The following TNR variants were observed in gnomAD, a reference collection of about 807,000 sequenced individuals.
TNR encodes the protein tenascin R.
Under a neutral mutation model 150.4 loss-of-function variants are expected in TNR, and 45 were observed. The ratio of observed to expected loss-of-function variants is 0.30; its 90% confidence interval spans 0.24 to 0.38. The LOEUF (loss-of-function observed/expected upper bound fraction) is 0.38. TNR is among the 10% of genes least tolerant of loss of function. The pLI, the probability that TNR is intolerant of heterozygous loss-of-function variation, is 1.00. For synonymous variants in TNR, 687 were observed against 678.4 expected, an observed-to-expected ratio of 1.01 and a Z score of -0.20; for missense variants, 1,544 against 1,759.1, an observed-to-expected ratio of 0.88 and a Z score of 2.19.
intron 2 of TNR, among the ~76,000 whole-genome samples, chr1:175,410,177 G>T (rs1654144316): frequency 6.6e-6 from 1 of 152,188 alleles, no homozygotes; most frequent in East Asian, 1.9e-4. Context: ...GGCCGGCCTG[G>T]TGAATTTGAG....
rs138939523 is a variant in TNR, at chr1:175,622,099, A to T, written c.-164-93730T>A. On this transcript the variant is annotated intron_variant, in intron 1 of 22. Coordinates refer to ENST00000367674, the MANE Select transcript of TNR (RefSeq NM_003285.3). ...GCTTTGTACATAATATATGTTGGGT[A>T]AATGTTAGGTATTATTGTTATACAT... 3.0e-4 allele frequency among the ~76,000 whole-genome samples: 46 copies of T among 152,378 alleles called. 1 individual carries two copies. In the East Asian group the frequency reaches 8.7e-3, roughly 29 times the overall value.
Position 175,603,768 on chromosome 1 carries a change from T to C in TNR, c.-164-75399A>G, listed in dbSNP as rs376540844. Among the ~76,000 whole-genome samples, 231 of 152,306 alleles carry C rather than the reference T, an allele frequency of 1.5e-3. 1 individual carries two copies. The highest frequency in any genetic ancestry group is 5.4e-3 in the African/African-American group (223 of 41,576). On this transcript the variant is annotated intron_variant, in intron 1 of 22. Transcript: ENST00000367674. ...GCTCCTTTACCCCTTCTGGGAGGCC[T>C]GGAGGGGGCAGGTCAGCCCTTCCTC...
intron 1 of TNR, among the ~76,000 whole-genome samples, chr1:175,686,664 C>G (rs976485034): frequency 6.6e-6 from 1 of 152,110 alleles, no homozygotes; most frequent in Non-Finnish European, 1.5e-5. Context: ...TTTGGAGTCC[C>G]CAGTGTTTAC....
At chr1:175,573,181 C>T (rs999380372) in intron 1 of TNR, among the ~76,000 whole-genome samples, 1 of 152,176 alleles carries the variant, frequency 6.6e-6, no homozygotes, top group Non-Finnish European at 1.5e-5. Flanking sequence ...TGTGTACACC[C>T]TCCAGCCACA....
At chr1:175,422,609 C>T (rs1450745084) in intron 2 of TNR, among the ~76,000 whole-genome samples, 4 of 152,208 alleles carry the variant, frequency 2.6e-5, no homozygotes, top group African/African-American at 9.7e-5. Flanking sequence ...AAATTTCCTG[C>T]CTACCCACTT....
chr1:175,618,479 T>C (rs1474136658), intron 1 of TNR, among the ~76,000 whole-genome samples: 1 of 152,218 alleles, frequency 6.6e-6, no homozygotes, highest in African/African-American at 2.4e-5. Context: ...TGAATGCATA[T>C]TGGCAGCCAC....
chr1:175,406,893 G>T (rs112015044), intron 2 of TNR, 116 bp from the exon 3 acceptor site: 2 of 711,258 alleles, frequency 2.8e-6, no homozygotes, highest in African/African-American at 1.8e-5. Flanking sequence ...AGGGGGGGGC[G>T]TCAGGAAGGG....
chr1:175,694,533 G>A (rs1666456020), intron 1 of TNR, among the ~76,000 whole-genome samples: 1 of 152,150 alleles, frequency 6.6e-6, no homozygotes, highest in African/African-American at 2.4e-5. Context: ...CCACCCCTAT[G>A]CTTAAATTAC....
intron 18 of TNR, among the ~76,000 whole-genome samples, chr1:175,344,319 G>A (rs1347387324): frequency 6.6e-6 from 1 of 152,174 alleles, no homozygotes; most frequent in Non-Finnish European, 1.5e-5. Flanking sequence ...TTTGTTACTA[G>A]GCATGGGGAG....
Position 175,406,644 on chromosome 1 carries a change from G to T in TNR, c.71C>A (p.Ser24Tyr), listed in dbSNP as rs760256249. ...LIGINLILLGSMIKPSECQLE... is the reference protein window; with the variant it reads ...LIGINLILLGYMIKPSECQLE... ...CTGACACTCTGAAGGCTTGATCATG[G>T]AGCCCAGAAGGATCAGGTTGATGCC... is the stretch of plus-strand genomic sequence containing the variant. Residue 24 changes from serine (S) to tyrosine (Y), a missense_variant, in exon 3 of 23, where the codon TCC becomes TAC. Physicochemically the swap from Ser to Tyr is moderately radical, Grantham distance 144. Coordinates refer to ENST00000367674, the MANE Select transcript of TNR (RefSeq NM_003285.3). 1.2e-5 allele frequency: 19 copies of T among 1,614,076 alleles called. No homozygotes were observed. Among genetic ancestry groups the T allele is most frequent in the Non-Finnish European group, 1.5e-5 (18 of 1,180,050 alleles).
At chr1:175,573,243 C>T (rs1661959225) in intron 1 of TNR, among the ~76,000 whole-genome samples, 1 of 152,250 alleles carries the variant, frequency 6.6e-6, no homozygotes, top group Admixed American at 6.5e-5. Context: ...ATTTATGTCA[C>T]CTGCAACCTG....
At chr1:175,625,978 T>G (rs999564255) in intron 1 of TNR, among the ~76,000 whole-genome samples, 1 of 151,510 alleles carries the variant, frequency 6.6e-6, no homozygotes, top group East Asian at 1.9e-4. Flanking sequence ...GGGGGGGAGG[T>G]AATTGAATCA....
intron 2 of TNR, among the ~76,000 whole-genome samples, chr1:175,490,252 C>T (rs190957927): frequency 1.3e-5 from 2 of 152,254 alleles, no homozygotes; most frequent in African/African-American, 4.8e-5. Flanking sequence ...AAATGTAAAA[C>T]CCAAAACTAT....
In TNR at chr1:175,431,950, G is replaced by A. The variant is rs938818936; in HGVS notation, c.-63-25173C>T. On this transcript the variant is annotated intron_variant, in intron 2 of 22. Coordinates refer to ENST00000367674, the MANE Select transcript of TNR (RefSeq NM_003285.3). Reference sequence around the variant, plus strand: ...CTCTCTCTCTCCCTCTGTCTCTGCAGGCTACTGATGGAGGTAAGAACACCA... The same window carrying A: ...CTCTCTCTCTCCCTCTGTCTCTGCAAGCTACTGATGGAGGTAAGAACACCA... 6.0e-4 allele frequency among the ~76,000 whole-genome samples: 33 copies of A among 54,860 alleles called. 1 individual carries two copies. The African/African-American group carries it at 6.1e-3, about 10-fold the overall frequency. 36.0% of individuals were successfully genotyped at this position (54,860 alleles called of 152,430 possible).
chr1:175,475,014 G>T (rs538570113), intron 2 of TNR, among the ~76,000 whole-genome samples: 2 of 152,250 alleles, frequency 1.3e-5, no homozygotes, highest in African/African-American at 4.8e-5. Context: ...TTTGTTAAGG[G>T]CAGAAGTGGC....
rs747659345 is a variant in TNR, at chr1:175,335,694, C to A, written c.3631+17G>T. 6.2e-7 allele frequency: 1 copy of A among 1,608,936 alleles called. No individual in the cohort carries two copies. The highest frequency in any genetic ancestry group is 1.1e-5 in the South Asian group (1 of 89,880). ...GCCAGAGAAGCACATCAATGGAAAG[C>A]AATAAGGAGGCTTTACCCAGCCAGA... On this transcript the variant is annotated intron_variant, in intron 20 of 22. Transcript: ENST00000367674.
chr1:175,365,163 C>A lies in TNR; in HGVS notation c.2434G>T (p.Asp812Tyr), dbSNP rs371427528. Reference protein sequence around the residue: ...DRLILNYSPRDEEEEMMEVSL... With the variant: ...DRLILNYSPRYEEEEMMEVSL... Reference sequence around the variant, plus strand: ...ACCTCCATCATCTCTTCCTCCTCATCCCTGGGGCTGTAGTTAAGAATGAGT... The same window carrying A: ...ACCTCCATCATCTCTTCCTCCTCATACCTGGGGCTGTAGTTAAGAATGAGT... Residue 812 changes from aspartate to tyrosine, a missense_variant, in exon 12 of 23, where the codon GAT (aspartate) becomes TAT (tyrosine). By Grantham distance (160) the Asp-to-Tyr change is radical. Coordinates refer to ENST00000367674, the MANE Select transcript of TNR (RefSeq NM_003285.3). 28 of 1,614,018 alleles carry A rather than the reference C, an allele frequency of 1.7e-5. No individual in the cohort carries two copies. The highest frequency in any genetic ancestry group is 3.3e-4 in the Middle Eastern group (2 of 6,084).
intron 1 of TNR, among the ~76,000 whole-genome samples, chr1:175,729,514 G>A (rs560202573): frequency 2.0e-5 from 3 of 151,860 alleles, no homozygotes; most frequent in Admixed American, 1.3e-4. Context: ...CTGCAACGTC[G>A]AACTTCTGGC....
chr1:175,573,723 G>A (rs890449831), intron 1 of TNR, among the ~76,000 whole-genome samples: 2 of 152,226 alleles, frequency 1.3e-5, no homozygotes, highest in African/African-American at 4.8e-5. Flanking sequence ...ACGGCTGGGG[G>A]TGGCAGGGTG....
Sources: gnomAD v4.1 joint callset for allele counts (sites outside exome capture counted in the v4.1 genomes callset) on GRCh38, gnomAD v4.1.1 for gene constraint, MANE v1.5 for transcripts, NCBI Gene and HGNC (gene_info 2026-07-23, HGNC 2026-07-21) for gene names.